Variants in MSRA observed in about 807,000 individuals in gnomAD.
MSRA encodes mitochondrial peptide methionine sulfoxide reductase.
In MSRA, 54 loss-of-function variants were observed where a neutral mutation model predicts 31.3. The ratio of observed to expected loss-of-function variants is 1.73; its 90% confidence interval spans 1.39 to 2.17. The LOEUF (loss-of-function observed/expected upper bound fraction) is 2.17. Ranked by LOEUF, MSRA falls within the 30% of genes most tolerant of loss-of-function variation. The probability of loss-of-function intolerance (pLI) is 0.00; values close to 1 mark genes in which losing one functional copy is unlikely to be tolerated. For synonymous variants in MSRA, 169 were observed against 116.5 expected, an observed-to-expected ratio of 1.45 and a Z score of -2.90; for missense variants, 507 against 300.9, an observed-to-expected ratio of 1.69 and a Z score of -5.07.
intron 1 of MSRA, among the ~76,000 whole-genome samples, chr8:10,147,362 G>C (rs185680257): frequency 2.4e-4 from 36 of 152,282 alleles, no homozygotes; most frequent in African/African-American, 8.2e-4. Context: ...TTCCGCAGCA[G>C]CTCAGTCATC....
At chr8:10,362,068 G>A (rs1288115549) in intron 5 of MSRA, among the ~76,000 whole-genome samples, 1 of 152,130 alleles carries the variant, frequency 6.6e-6, no homozygotes, top group African/African-American at 2.4e-5. Flanking sequence ...AGAGACCCGG[G>A]TTCCCATTCC....
intron 1 of MSRA, among the ~76,000 whole-genome samples, chr8:10,180,567 C>T (rs1806451439): frequency 6.6e-6 from 1 of 152,170 alleles, no homozygotes; most frequent in African/African-American, 2.4e-5. Flanking sequence ...GGAGTTACCT[C>T]ATTAGCATAA....
At chr8:10,103,263 A>T (rs1278655232) in intron 1 of MSRA, among the ~76,000 whole-genome samples, 2 of 152,230 alleles carry the variant, frequency 1.3e-5, no homozygotes, top group African/African-American at 4.8e-5. Flanking sequence ...ATTTGACTGA[A>T]GGCTTTAAAA....
chr8:10,320,204 C>G (rs954972212), intron 5 of MSRA: 2 of 373,492 alleles, frequency 5.4e-6, no homozygotes, highest in South Asian at 1.3e-4. Flanking sequence ...GCCAGTGGCT[C>G]ATGCCTGTAA....
intron 3 of MSRA, among the ~76,000 whole-genome samples, chr8:10,271,047 A>G (rs958049331): frequency 1.3e-5 from 2 of 149,188 alleles, no homozygotes; most frequent in Admixed American, 6.8e-5. Flanking sequence ...CTTTAAGCTC[A>G]TGTTTGAGTT....
chr8:10,113,284 C>A, intron 1 of MSRA, among the ~76,000 whole-genome samples: 2 of 11,556 alleles, frequency 1.7e-4, no homozygotes, highest in East Asian at 4.8e-3. Flanking sequence ...TTGGTGAAGA[C>A]AGGTCTTCTT....
chr8:10,137,440 C>G (rs1240827264), intron 1 of MSRA, among the ~76,000 whole-genome samples: 2 of 152,126 alleles, frequency 1.3e-5, no homozygotes, highest in Non-Finnish European at 2.9e-5. Flanking sequence ...AAATATACAC[C>G]TGGAATCGGT....
chr8:10,068,389 C>G (rs1797566023), intron 1 of MSRA, among the ~76,000 whole-genome samples: 1 of 152,094 alleles, frequency 6.6e-6, no homozygotes, highest in African/African-American at 2.4e-5. Context: ...AAAGTTATTG[C>G]CAAACCGAAG....
chr8:10,283,168 C>CA (rs1554515464), intron 3 of MSRA, among the ~76,000 whole-genome samples: 1 of 70,336 alleles, frequency 1.4e-5, no homozygotes, highest in Non-Finnish European at 3.1e-5. Flanking sequence ...ACACTCTCAC[C>CA]CTTCTCTTTG....
intron 2 of MSRA, among the ~76,000 whole-genome samples, chr8:10,213,761 T>G (rs1381047766): frequency 6.6e-6 from 1 of 152,130 alleles, no homozygotes; most frequent in East Asian, 1.9e-4. Context: ...AAATCTTGGT[T>G]GTTGTGAATA....
Position 10,257,894 on chromosome 8 carries a change from T to G in MSRA, c.331+12671T>G, listed in dbSNP as rs563280469. On this transcript the variant is annotated intron_variant, in intron 3 of 5. Transcript: ENST00000317173. ...CAGCCAGGTCAGCGCAGCAGAGAGG[T>G]GAACACCAGCATGTCTTGTTAAGAA... Among the ~76,000 whole-genome samples the G allele has an allele frequency of 7.2e-5, 11 of 152,210 alleles. No individual in the cohort carries two copies. The East Asian group carries it at 1.4e-3, about 19-fold the overall frequency.
intron 5 of MSRA, among the ~76,000 whole-genome samples, chr8:10,366,985 T>C (rs1283549365): frequency 6.6e-6 from 1 of 152,202 alleles, no homozygotes; most frequent in African/African-American, 2.4e-5. Context: ...CGTTTCGCTT[T>C]CTGTGGTTTC....
At chr8:10,076,319 C>T (rs776988046) in intron 1 of MSRA, among the ~76,000 whole-genome samples, 13 of 152,174 alleles carry the variant, frequency 8.5e-5, no homozygotes, top group Admixed American at 2.0e-4. Context: ...CTGATGGCTA[C>T]GTGACATCAC....
At chr8:10,210,721 C>T (rs143955947) in intron 2 of MSRA, among the ~76,000 whole-genome samples, 1 of 151,254 alleles carries the variant, frequency 6.6e-6, no homozygotes, top group African/African-American at 2.4e-5. Context: ...AAAATAGTAT[C>T]ACTAATTATA....
Position 10,426,625 on chromosome 8 carries a change from G to A in MSRA, c.544-1523G>A, listed in dbSNP as rs1283745789. Among the ~76,000 whole-genome samples, 4 of 152,234 alleles carry A rather than the reference G, an allele frequency of 2.6e-5. No homozygotes were observed. The East Asian group carries it at 7.7e-4, about 29-fold the overall frequency. On this transcript the variant is annotated intron_variant, in intron 5 of 5. Transcript: ENST00000317173. ...GGGCCTTGCTGGCAGCAGAATCTGG[G>A]GAATGCAGTCTGCGAGCTTTCCGCC...
At chr8:10,203,996 A>G (rs1237694208) in intron 1 of MSRA, among the ~76,000 whole-genome samples, 1 of 151,838 alleles carries the variant, frequency 6.6e-6, no homozygotes, top group Non-Finnish European at 1.5e-5. Context: ...GAAGTTTTCA[A>G]CAAAATTTAA....
At chr8:10,315,396 T>G (rs1801655165) in intron 4 of MSRA, among the ~76,000 whole-genome samples, 2 of 152,200 alleles carry the variant, frequency 1.3e-5, no homozygotes, top group South Asian at 4.1e-4. Flanking sequence ...CTCTCAAGGG[T>G]ACTTGGCTGT....
intron 2 of MSRA, among the ~76,000 whole-genome samples, chr8:10,244,331 G>A (rs1797498846): frequency 1.3e-5 from 2 of 152,194 alleles, no homozygotes; most frequent in African/African-American, 4.8e-5. Flanking sequence ...GGCAACATTT[G>A]CGACGTGCGT....
chr8:10,192,023 C>T (rs1807552377), intron 1 of MSRA, among the ~76,000 whole-genome samples: 1 of 152,144 alleles, frequency 6.6e-6, no homozygotes, highest in Admixed American at 6.5e-5. Context: ...GGGGCTCATT[C>T]ACAGGGCTGT....
Sources: gnomAD v4.1 joint callset for allele counts (sites outside exome capture counted in the v4.1 genomes callset) on GRCh38, gnomAD v4.1.1 for gene constraint, MANE v1.5 for transcripts, NCBI Gene and HGNC (gene_info 2026-07-23, HGNC 2026-07-21) for gene names.